The following KDM5C variants were observed in gnomAD, a reference collection of about 807,000 sequenced individuals.
The protein encoded by KDM5C is lysine-specific demethylase 5C.
A neutral mutation model predicts 110.6 loss-of-function variants in KDM5C; 16 were observed. The ratio of observed to expected loss-of-function variants is 0.14; its 90% confidence interval spans 0.10 to 0.22. The LOEUF (loss-of-function observed/expected upper bound fraction) is 0.22, where lower values mean the gene tolerates loss of function less well. Ranked by LOEUF, KDM5C falls within the 10% of genes least tolerant of loss-of-function variation. The pLI is 1.00. For synonymous variants in KDM5C, 511 were observed against 520.4 expected, an observed-to-expected ratio of 0.98 and a Z score of 0.24; for missense variants, 681 against 1,300.9, an observed-to-expected ratio of 0.52 and a Z score of 7.33.
rs782465325 is a variant in KDM5C, at chrX:53,196,034, G to A, written c.3002C>T (p.Thr1001Ile). The part of the protein sequence containing the change: ...LEARQKHPPA[T>I]LEAIIREAEN... ...CGCTTCACGGATTATGGCCTCAAGT[G>A]TGGCTGGTGGATGCTTCTGCCTAAA... The change falls in exon 20 of 26, where the codon ACA (threonine) becomes ATA (isoleucine). Residue 1001 changes from threonine to isoleucine, a missense_variant. Transcript: ENST00000375401. 8 of 1,210,816 alleles carry A rather than the reference G, an allele frequency of 6.6e-6. No individual in the cohort carries two copies. The African/African-American group carries it at 8.7e-5, about 13-fold the overall frequency.
At chrX:53,202,794 G>A (rs921510754) in intron 12 of KDM5C, 7 of 110,544 alleles carry the variant, frequency 6.3e-5, no homozygotes, top group Non-Finnish European at 9.5e-5. Flanking sequence ...ACACTTGACT[G>A]TATATAGAAT....
Position 53,193,040 on chromosome X carries a change from G to A in KDM5C, c.4610C>T (p.Ser1537Leu), listed in dbSNP as rs782534108. Reference sequence around the variant, plus strand: ...GGGAGTCAGAGTGGAGAAAGGGGCCGAGGGGCCTGAAGTGGTCCCTTCCGC... The same window carrying A: ...GGGAGTCAGAGTGGAGAAAGGGGCCAAGGGGCCTGAAGTGGTCCCTTCCGC... ...EPAEGTTSGP[S>L]APFSTLTPRL... The change falls in exon 26 of 26, where the codon TCG (serine) becomes TTG (leucine). Residue 1537 changes from serine to leucine, a missense_variant. Physicochemically the swap from Ser to Leu is moderately radical, Grantham distance 145 (BLOSUM62 -2). This residue lies in a region of KDM5C where 115 missense variants were observed against 120.9 expected (regional missense o/e 0.95). Transcript: ENST00000375401. 32 of 1,197,577 alleles carry A rather than the reference G, an allele frequency of 2.7e-5. No homozygotes were observed. Among genetic ancestry groups the A allele is most frequent in the African/African-American group, 3.6e-5 (2 of 56,309 alleles).
chrX:53,183,461 A>T (rs1447964258), intron 25 of KDM5C, among the ~76,000 whole-genome samples: 3 of 108,236 alleles, frequency 2.8e-5, no homozygotes, highest in Non-Finnish European at 5.7e-5. Context: ...TCTTGAAAAA[A>T]AAAAATTGGC....
chrX:53,220,959 A>G (rs2073878959), intron 1 of KDM5C, 43 bp from the exon 2 acceptor site: 1 of 1,094,551 alleles, frequency 9.1e-7, no homozygotes, highest in Non-Finnish European at 1.3e-6. Flanking sequence ...TTATCTCAGC[A>G]TAGTGTAAGA....
At chrX:53,202,204 A>G (rs1478002390) in intron 12 of KDM5C, 9 of 381,381 alleles carry the variant, frequency 2.4e-5, no homozygotes, top group Non-Finnish European at 4.1e-5. Context: ...TATCTGTCAA[A>G]ATATTCCAAC....
In KDM5C at chrX:53,225,171, G is replaced by T; in HGVS notation, c.-282C>A. On this transcript the variant is annotated 5_prime_UTR_variant, in exon 1 of 26. Transcript: ENST00000375401. The stretch of plus-strand genomic sequence containing the variant: ...CCACCACAGTTACCTCCCAAACGCC[G>T]CGGCCTTCAGCGCCGCCGCCGCCAT... 1 of 342,886 alleles carries T rather than the reference G, an allele frequency of 2.9e-6. No individual in the cohort carries two copies. The highest frequency in any genetic ancestry group is 5.1e-6 in the Non-Finnish European group (1 of 198,008). 28.3% of individuals were successfully genotyped at this position (342,886 alleles called of 1,213,427 possible). A position where few individuals can be genotyped will look rare whatever the true frequency, so the allele number is the denominator to read the frequency against.
At chrX:53,211,069 A>G (rs1279659123) in intron 10 of KDM5C, among the ~76,000 whole-genome samples, 1 of 111,723 alleles carries the variant, frequency 9.0e-6, no homozygotes, top group Non-Finnish European at 1.9e-5. Context: ...TACGAAGTTT[A>G]CCGATATATC....
chrX:53,217,342 T>C (rs1359279905), intron 4 of KDM5C, 65 bp from the exon 5 acceptor site: 38 of 1,166,391 alleles, frequency 3.3e-5, no homozygotes, highest in Middle Eastern at 2.7e-4. Flanking sequence ...ATAACTTCCC[T>C]CTACCCTCAC....
chrX:53,209,627 G>A (rs1199578473), intron 12 of KDM5C, among the ~76,000 whole-genome samples: 2 of 111,176 alleles, frequency 1.8e-5, no homozygotes, highest in Non-Finnish European at 3.8e-5. Context: ...TAGCAGCCCC[G>A]GATAATACTT....
chrX:53,194,618 T>C lies in KDM5C; in HGVS notation c.3559A>G (p.Ile1187Val). 3 of 1,211,348 alleles carry C rather than the reference T, an allele frequency of 2.5e-6. No individual in the cohort carries two copies. Among genetic ancestry groups the C allele is most frequent in the South Asian group, 1.8e-5 (1 of 56,934 alleles). The change falls in exon 23 of 26, where the codon ATC becomes GTC. Residue 1187 changes from isoleucine to valine, a missense_variant. Ile to Val is a conservative substitution (Grantham distance 29). Coordinates refer to ENST00000375401, the MANE Select transcript of KDM5C (RefSeq NM_004187.5). Reference sequence around the variant, plus strand: ...GCCAGCACCTGCCCACACACACAGATAGAGGTTGTAGAGGAGGCCGTGCTC... The same window carrying C: ...GCCAGCACCTGCCCACACACACAGACAGAGGTTGTAGAGGAGGCCGTGCTC... Reference protein sequence around the residue: ...SSSTASSTTSICVCGQVLAGA... With the variant: ...SSSTASSTTSVCVCGQVLAGA...
At chrX:53,177,968 C>T (rs1160266125) in intron 25 of KDM5C, among the ~76,000 whole-genome samples, 1 of 111,274 alleles carries the variant, frequency 9.0e-6, no homozygotes, top group Non-Finnish European at 1.9e-5. Flanking sequence ...AAGCAATCCT[C>T]CCACCTCAGC....
At position 53,192,930 on chromosome X, in the gene KDM5C, G is replaced by A; in HGVS notation, c.*37C>T. The A allele has an allele frequency of 8.8e-7, 1 of 1,138,102 alleles. No individual in the cohort carries two copies. The highest frequency in any genetic ancestry group is 2.2e-5 in the South Asian group (1 of 46,386). 93.8% of individuals were successfully genotyped at this position (1,138,102 alleles called of 1,213,427 possible). On this transcript the variant is annotated 3_prime_UTR_variant, in exon 26 of 26. Coordinates refer to ENST00000375401, the MANE Select transcript of KDM5C (RefSeq NM_004187.5). ...GAAAGAGGATCCTTGAGGCCGAGGG[G>A]GGTCTCTGTCAGGGTCTGTGCTAGG...
At chrX:53,222,349 A>G (rs1466250323) in intron 1 of KDM5C, among the ~76,000 whole-genome samples, 1 of 102,890 alleles carries the variant, frequency 9.7e-6, no homozygotes, top group Non-Finnish European at 1.9e-5. Context: ...TCTGGGGCTC[A>G]GTAAGCAGGG....
rs782310003 is a variant in KDM5C at position 53,198,985 on chromosome X, C to T, written c.2235G>A (p.Gln745=). ...GAAAGGCCCATGCTCACCGCAGGTACTGCCGGCTACTGGAGCACTTGCAGA... is the reference window on the plus strand; with the variant it reads ...GAAAGGCCCATGCTCACCGCAGGTATTGCCGGCTACTGGAGCACTTGCAGA... ...NDLCKCSSSR[Q]YLRYRYTLDE... is the part of the protein sequence containing the mutation. The change falls in exon 15 of 26, where the codon CAG becomes CAA. Residue 745 remains glutamine (Q), a synonymous_variant. Coordinates refer to ENST00000375401, the MANE Select transcript of KDM5C (RefSeq NM_004187.5). 8.3e-7 allele frequency: 1 copy of T among 1,212,077 alleles called. No individual in the cohort carries two copies.
At position 53,192,949 on chromosome X, in the gene KDM5C, T is replaced by C; in HGVS notation, c.*18A>G. 1 of 1,060,104 alleles carries C rather than the reference T, an allele frequency of 9.4e-7. No individual in the cohort carries two copies. The highest frequency in any genetic ancestry group is 1.2e-6 in the Non-Finnish European group (1 of 807,601). 87.4% of individuals were successfully genotyped at this position (1,060,104 alleles called of 1,213,427 possible). On this transcript the variant is annotated 3_prime_UTR_variant, in exon 26 of 26. Transcript: ENST00000375401. ...CGAGGGGGGTCTCTGTCAGGGTCTG[T>C]GCTAGGCTCAGCCACTGTCACAACT...
rs369687619 is a variant in KDM5C at position 53,216,244 on chromosome X, C to A, written c.658-47G>T. 3.8e-5 allele frequency: 46 copies of A among 1,200,734 alleles called. No individual in the cohort carries two copies. The highest frequency in any genetic ancestry group is 3.6e-4 in the East Asian group (12 of 33,762). The stretch of plus-strand genomic sequence containing the variant: ...AATCAAGACTGCTATCTGGGGCAGA[C>A]TGTCCCATCCTAAAAGAACAGTAAC... On this transcript the variant is annotated intron_variant, in intron 5 of 25. Coordinates refer to ENST00000375401, the MANE Select transcript of KDM5C (RefSeq NM_004187.5).
intron 2 of KDM5C, 67 bp downstream of exon 2, chrX:53,220,772 A>G: frequency 8.8e-6 from 8 of 904,710 alleles, no homozygotes; most frequent in Non-Finnish European, 1.3e-5. Context: ...AGAAACTATA[A>G]GGGAAGTGGG....
chrX:53,213,804 G>C (rs1556850277), intron 8 of KDM5C, among the ~76,000 whole-genome samples: 1 of 111,810 alleles, frequency 8.9e-6, no homozygotes, highest in Non-Finnish European at 1.9e-5. Context: ...TGGTTATAAA[G>C]CAACAAATGA....
In KDM5C at chrX:53,223,240, G is replaced by A. The variant is rs782222555; in HGVS notation, c.150+1500C>T. Among the ~76,000 whole-genome samples the A allele has an allele frequency of 2.7e-5, 3 of 111,491 alleles. No individual in the cohort carries two copies. The East Asian group carries it at 8.5e-4, about 32-fold the overall frequency. On this transcript the variant is annotated intron_variant, in intron 1 of 25. Transcript: ENST00000375401. Reference sequence around the variant, plus strand: ...TCAGCTATGCCTCTTTTTCCCACAGGCTTGCCCAACCACTTCAGGGAGTGC... The same window carrying A: ...TCAGCTATGCCTCTTTTTCCCACAGACTTGCCCAACCACTTCAGGGAGTGC...
Sources: allele counts gnomAD v4.1 joint callset (sites outside exome capture counted in the v4.1 genomes callset), GRCh38; gene constraint gnomAD v4.1.1; regional missense constraint gnomAD v4.1.1; transcripts MANE v1.5; gene names NCBI Gene and HGNC (gene_info 2026-07-23, HGNC 2026-07-21).